Variants in CALD1 observed in about 807,000 individuals in gnomAD.
CALD1 encodes the protein caldesmon.
In CALD1, 33 loss-of-function variants were observed where a neutral mutation model predicts 99.9. The observed-to-expected ratio is 0.33, with a 90% CI of 0.25 to 0.44. The LOEUF (loss-of-function observed/expected upper bound fraction) is 0.44. Ranked by LOEUF, CALD1 falls within the 20% of genes least tolerant of loss-of-function variation. CALD1 has a pLI of 1.00. For missense variants in CALD1, 861 were observed against 962.1 expected (o/e 0.89, Z 1.39); for synonymous variants, 310 against 325.0 (o/e 0.95, Z 0.50).
intron 1 of CALD1, among the ~76,000 whole-genome samples, chr7:134,836,143 C>CAAA (rs377048601): frequency 1.6e-4 from 11 of 68,508 alleles, no homozygotes; most frequent in Admixed American, 3.3e-4. Flanking sequence ...GACTTCATCT[C>CAAA]AAAAAAAAAA....
chr7:134,712,032 AGGGAAG>A, the CALD1 span, among the ~76,000 whole-genome samples: 1 of 39,848 alleles, frequency 2.5e-5, no homozygotes, highest in African/African-American at 2.9e-4. Context: ...GGAGAGAGGG[AGGGAAG>A]GAGGGAGAGA....
intron 1 of CALD1, among the ~76,000 whole-genome samples, chr7:134,832,326 A>G (rs1477095420): frequency 6.6e-6 from 1 of 152,216 alleles, no homozygotes; most frequent in African/African-American, 2.4e-5. Context: ...TAGAGAGGCA[A>G]AGGGATAATT....
At chr7:134,861,340 A>G (rs776359142) in intron 2 of CALD1, among the ~76,000 whole-genome samples, 9 of 152,212 alleles carry the variant, frequency 5.9e-5, no homozygotes, top group Non-Finnish European at 1.2e-4. Context: ...GATCAGAGGT[A>G]GGAAATCTGC....
At chr7:134,877,038 A>G (rs1801383434) in intron 3 of CALD1, among the ~76,000 whole-genome samples, 1 of 152,206 alleles carries the variant, frequency 6.6e-6, no homozygotes, top group Admixed American at 6.5e-5. Context: ...GAAAATGGCC[A>G]TCGAAACAGT....
intron 3 of CALD1, among the ~76,000 whole-genome samples, chr7:134,877,536 C>T (rs1801408294): frequency 1.3e-5 from 2 of 152,158 alleles, no homozygotes; most frequent in Admixed American, 1.3e-4. Flanking sequence ...GGTCAGCTCT[C>T]CATACCTGAG....
intron 3 of CALD1, among the ~76,000 whole-genome samples, chr7:134,923,841 C>A (rs1804790992): frequency 2.6e-5 from 4 of 152,196 alleles, no homozygotes. Context: ...TGAGCATACT[C>A]TTAAACTCGG....
intron 13 of CALD1, among the ~76,000 whole-genome samples, chr7:134,963,514 T>C (rs559648053): frequency 1.5e-4 from 23 of 152,334 alleles, no homozygotes; most frequent in African/African-American, 5.5e-4. Context: ...TTTGCCTTCC[T>C]CCTGAGAAAA....
chr7:134,932,963 T>C, intron 4 of CALD1, 25 bp from the exon 5 acceptor site: 1 of 1,513,430 alleles, frequency 6.6e-7, no homozygotes, highest in Admixed American at 1.9e-5. Flanking sequence ...AAGCTGTCTT[T>C]GGTGTTGTTC....
At chr7:134,881,366 C>T (rs866582548) in intron 3 of CALD1, among the ~76,000 whole-genome samples, 1 of 152,086 alleles carries the variant, frequency 6.6e-6, no homozygotes, top group Non-Finnish European at 1.5e-5. Flanking sequence ...AGCTAAATGT[C>T]CTCTAACTCC....
chr7:134,810,133 C>T (rs994218999), intron 1 of CALD1, among the ~76,000 whole-genome samples: 16 of 152,268 alleles, frequency 1.1e-4, no homozygotes, highest in African/African-American at 3.8e-4. Context: ...ATCATAAATG[C>T]TTACTAAAAG....
At chr7:134,935,812 G>C (rs1805927864) in intron 6 of CALD1, 47 bp downstream of exon 6, 1 of 1,530,124 alleles carries the variant, frequency 6.5e-7, no homozygotes, top group African/African-American at 1.4e-5. Context: ...AGAAAAAGCA[G>C]TCAGTGTTCC....
chr7:134,828,890 T>C (rs1245660131), intron 1 of CALD1, among the ~76,000 whole-genome samples: 1 of 152,254 alleles, frequency 6.6e-6, no homozygotes, highest in Non-Finnish European at 1.5e-5. Context: ...ATATATTCAT[T>C]CTTTTATTCA....
chr7:134,815,382 T>C (rs946953812), intron 1 of CALD1, among the ~76,000 whole-genome samples: 5 of 152,200 alleles, frequency 3.3e-5, no homozygotes, highest in Admixed American at 3.3e-4. Context: ...TGCCTCTTTT[T>C]TCCCCAGTGC....
Position 134,904,230 on chromosome 7 carries a change from G to GTAAATAAA in CALD1, c.72-24507_72-24500dup, listed in dbSNP as rs757335116. ...AGAGCAAGACACCGTCTCAAAATAA[G>GTAAATAAA]TAAATAAATAAATAAATAAATAAAA... is the stretch of plus-strand genomic sequence containing the variant. On this transcript the variant is annotated intron_variant, in intron 3 of 14. Coordinates refer to ENST00000361675, the MANE Select transcript of CALD1 (RefSeq NM_033138.4). Among the ~76,000 whole-genome samples the GTAAATAAA allele has an allele frequency of 4.2e-4, 64 of 151,532 alleles. 4 individuals carry two copies. The highest frequency in any genetic ancestry group is 1.5e-4 in the African/African-American group (6 of 41,122).
intron 6 of CALD1, among the ~76,000 whole-genome samples, chr7:134,939,752 C>G (rs890651489): frequency 1.3e-5 from 2 of 152,082 alleles, no homozygotes; most frequent in Admixed American, 6.5e-5. Context: ...CACTTGAGGT[C>G]AGGAGTTTGA....
intron 3 of CALD1, chr7:134,891,646 G>A (rs990013785): frequency 1.2e-6 from 2 of 1,608,550 alleles, no homozygotes; most frequent in African/African-American, 1.3e-5. Context: ...GGATCGCATG[G>A]AAGACGCAGC....
chr7:134,943,512 T>C (rs552599810), intron 7 of CALD1, among the ~76,000 whole-genome samples: 4 of 152,302 alleles, frequency 2.6e-5, no homozygotes, highest in South Asian at 4.1e-4. Context: ...GACATAAAAA[T>C]CTCAATTCAA....
At chr7:134,867,944 T>G in intron 3 of CALD1, 140 bp downstream of exon 3, 1 of 454,318 alleles carries the variant, frequency 2.2e-6, no homozygotes, top group Non-Finnish European at 4.1e-6. Flanking sequence ...GGAAAATTTT[T>G]CTGCTAAGAC....
chr7:134,895,838 C>A (rs1018980199), intron 3 of CALD1, among the ~76,000 whole-genome samples: 4 of 152,166 alleles, frequency 2.6e-5, no homozygotes, highest in African/African-American at 9.7e-5. Context: ...CAAAGTTTAA[C>A]TTCCTGGTTC....
Sources: gnomAD v4.1 joint callset for allele counts (sites outside exome capture counted in the v4.1 genomes callset) on GRCh38, gnomAD v4.1.1 for gene constraint, MANE v1.5 for transcripts, NCBI Gene and HGNC (gene_info 2026-07-23, HGNC 2026-07-21) for gene names.